The following RBFOX1 variants were observed in gnomAD, a reference collection of about 807,000 sequenced individuals.
RBFOX1 encodes the protein RNA binding protein fox-1 homolog 1.
Under a neutral mutation model 57.7 loss-of-function variants are expected in RBFOX1, and 8 were observed. That is an observed-to-expected ratio of 0.14 (90% CI 0.08 to 0.25). RBFOX1 has a LOEUF of 0.25. Ranked by LOEUF, RBFOX1 falls within the 10% of genes least tolerant of loss-of-function variation. The pLI, the probability that RBFOX1 is intolerant of heterozygous loss-of-function variation, is 1.00. For missense variants in RBFOX1, 611 were observed against 548.5 expected, an observed-to-expected ratio of 1.11 and a Z score of -1.14; for synonymous variants, 326 against 222.4, an observed-to-expected ratio of 1.47 and a Z score of -4.15.
At chr16:5,363,152 G>T (rs1487737466) in intron 1 of RBFOX1, among the ~76,000 whole-genome samples, 1 of 148,270 alleles carries the variant, frequency 6.7e-6, no homozygotes, top group Non-Finnish European at 1.5e-5. Context: ...TCCTGCTTCA[G>T]CCTCCTGAGT....
intron 3 of RBFOX1, among the ~76,000 whole-genome samples, chr16:5,864,687 T>C (rs999835657): frequency 2.6e-5 from 4 of 152,166 alleles, no homozygotes; most frequent in African/African-American, 9.7e-5. Context: ...ATAATATGGA[T>C]GGATCATAAT....
chr16:6,659,228 G>C (rs1335591715), intron 3 of RBFOX1, among the ~76,000 whole-genome samples: 1 of 51,220 alleles, frequency 2.0e-5, no homozygotes, highest in Admixed American at 2.8e-4. Flanking sequence ...GTCAAGAGGA[G>C]ACGAGAGCCC....
chr16:5,536,000 C>T (rs115862188), intron 2 of RBFOX1, among the ~76,000 whole-genome samples: 1,948 of 152,096 alleles, frequency 0.013, 17 homozygotes, highest in Middle Eastern at 0.048. Flanking sequence ...AGCCACACAC[C>T]GAAATCTTTC....
At chr16:6,883,000 G>C (rs9927199) in intron 3 of RBFOX1, among the ~76,000 whole-genome samples, 119,869 of 152,110 alleles carry the variant, frequency 0.79, 48,122 homozygotes, top group African/African-American at 0.94. Flanking sequence ...ATTGTGAATT[G>C]TTAAGTCCAA....
In RBFOX1 at chr16:6,845,915, A is replaced by G. The variant is rs11864050; in HGVS notation, c.-16+191265A>G. Among the ~76,000 whole-genome samples the G allele has an allele frequency of 2.3e-3, 344 of 152,328 alleles. 1 individual carries two copies. Among genetic ancestry groups the G allele is most frequent in the African/African-American group, 7.6e-3 (316 of 41,576 alleles). ...CTCACTTTAAATGTCATTATCTTAA[A>G]AAGGCAAATCTCAACCTGCCATGGA... On this transcript the variant is annotated intron_variant, in intron 3 of 15. Transcript: ENST00000550418.
At chr16:5,762,736 C>A (rs2053632962) in intron 3 of RBFOX1, among the ~76,000 whole-genome samples, 1 of 152,086 alleles carries the variant, frequency 6.6e-6, no homozygotes, top group Admixed American at 6.5e-5. Context: ...AAATGGAATC[C>A]TTTGCAGCCA....
chr16:7,599,112 C>T (rs1358342911), intron 9 of RBFOX1, among the ~76,000 whole-genome samples: 1 of 152,230 alleles, frequency 6.6e-6, no homozygotes, highest in Non-Finnish European at 1.5e-5. Flanking sequence ...ATGGTATAGA[C>T]TATTTTCACA....
At chr16:7,026,244 C>G (rs1040483724) in intron 3 of RBFOX1, among the ~76,000 whole-genome samples, 4 of 152,154 alleles carry the variant, frequency 2.6e-5, no homozygotes, top group Non-Finnish European at 4.4e-5. Flanking sequence ...ACCCATGAAG[C>G]TGCTGTTTTT....
intron 5 of RBFOX1, among the ~76,000 whole-genome samples, chr16:7,553,181 G>C (rs1012880914): frequency 5.3e-5 from 8 of 151,362 alleles, no homozygotes; most frequent in African/African-American, 1.5e-4. Flanking sequence ...GTCTTTCTCT[G>C]TCTCCCAGAC....
chr16:5,740,840 C>G (rs958747600), intron 3 of RBFOX1, among the ~76,000 whole-genome samples: 19 of 152,066 alleles, frequency 1.2e-4, no homozygotes, highest in African/African-American at 4.3e-4. Flanking sequence ...GTCTCCTTGT[C>G]TCTGATGAGG....
At chr16:7,126,936 G>T (rs1448280660) in intron 4 of RBFOX1, among the ~76,000 whole-genome samples, 2 of 151,596 alleles carry the variant, frequency 1.3e-5, no homozygotes, top group Non-Finnish European at 2.9e-5. Flanking sequence ...TTAAACCCGG[G>T]AGGCAGAGGT....
chr16:5,465,523 T>C (rs990774509), intron 1 of RBFOX1, among the ~76,000 whole-genome samples: 2 of 152,170 alleles, frequency 1.3e-5, no homozygotes, highest in African/African-American at 4.8e-5. Flanking sequence ...ATTCTCCAGG[T>C]GTGTATCCAG....
chr16:7,425,092 G>GTT (rs562135975), intron 4 of RBFOX1, among the ~76,000 whole-genome samples: 2 of 151,880 alleles, frequency 1.3e-5, no homozygotes, highest in East Asian at 3.9e-4. Context: ...TTTAAAATAT[G>GTT]TTTTTTTTCC....
intron 3 of RBFOX1, among the ~76,000 whole-genome samples, chr16:6,855,174 G>A (rs1239730157): frequency 1.3e-5 from 2 of 152,038 alleles, no homozygotes; most frequent in Non-Finnish European, 2.9e-5. Flanking sequence ...GTTCTGGTGA[G>A]CATGATATCC....
In RBFOX1 at chr16:7,579,919, G is replaced by A; in HGVS notation, c.413G>A (p.Gly138Asp). Residue 138 changes from glycine to aspartate, a missense_variant and splice_region_variant, in exon 6 of 16, where the codon GGT becomes GAT. Coordinates refer to ENST00000550418, the MANE Select transcript of RBFOX1 (RefSeq NM_018723.4). ...FRDPDLRQMF[G>D]QFGKILDVEI... ...GATCCGGACCTCAGACAAATGTTTG[G>A]TGTAAGTATCACCTTTCTTCCCAGC... The A allele has an allele frequency of 6.2e-7, 1 of 1,614,010 alleles. No homozygotes were observed. The highest frequency in any genetic ancestry group is 8.5e-7 in the Non-Finnish European group (1 of 1,179,932).
intron 4 of RBFOX1, among the ~76,000 whole-genome samples, chr16:7,235,787 C>A (rs1051044184): frequency 1.3e-5 from 2 of 152,154 alleles, no homozygotes; most frequent in Admixed American, 6.5e-5. Context: ...AAGTAATATC[C>A]TGTGCTAGCC....
intron 1 of RBFOX1, among the ~76,000 whole-genome samples, chr16:6,226,659 C>T (rs2097420764): frequency 6.6e-6 from 1 of 152,122 alleles, no homozygotes; most frequent in African/African-American, 2.4e-5. Flanking sequence ...AGCATTTTCT[C>T]CCCAAACCTC....
chr16:7,073,903 A>T (rs1162689675), intron 4 of RBFOX1, among the ~76,000 whole-genome samples: 1 of 146,764 alleles, frequency 6.8e-6, no homozygotes, highest in African/African-American at 2.5e-5. Flanking sequence ...AAAAGAAAAA[A>T]AAATTGACTG....
intron 11 of RBFOX1, among the ~76,000 whole-genome samples, chr16:7,648,466 G>T (rs2064213912): frequency 6.6e-6 from 1 of 152,084 alleles, no homozygotes; most frequent in Admixed American, 6.5e-5. Flanking sequence ...CTTGTGATCT[G>T]CCCACCTTGG....
Sources: allele counts gnomAD v4.1 joint callset (sites outside exome capture counted in the v4.1 genomes callset), GRCh38; gene constraint gnomAD v4.1.1; transcripts MANE v1.5; gene names NCBI Gene and HGNC (gene_info 2026-07-23, HGNC 2026-07-21).